LAMA3: variants seen among roughly 807,000 people sequenced by gnomAD.
LAMA3 encodes the protein laminin subunit alpha 3.
Under a neutral mutation model 402.0 loss-of-function variants are expected in LAMA3, and 281 were observed. That is an observed-to-expected ratio of 0.70 (90% CI 0.63 to 0.77). The LOEUF (loss-of-function observed/expected upper bound fraction) is 0.77. Among genes scored for constraint, LAMA3 ranks in the 30% least tolerant of loss-of-function variants. LAMA3 has a pLI of 0.00. For missense variants in LAMA3, 3,840 were observed against 4,215.5 expected (o/e 0.91, Z 2.47); for synonymous variants, 1,431 against 1,558.4 (o/e 0.92, Z 1.93).
intron 2 of LAMA3, among the ~76,000 whole-genome samples, chr18:23,737,594 A>C (rs1299042020): frequency 6.6e-6 from 1 of 152,206 alleles, no homozygotes; most frequent in Non-Finnish European, 1.5e-5. Context: ...CCTTCTCATC[A>C]CAGTGAAAGT....
At position 23,904,120 on chromosome 18, in the gene LAMA3, C is replaced by T. The variant is rs779221525; in HGVS notation, c.6473+33C>T. 21 of 1,611,370 alleles carry T rather than the reference C, an allele frequency of 1.3e-5. 1 individual carries two copies. The highest frequency in any genetic ancestry group is 9.9e-5 in the South Asian group (9 of 91,002). On this transcript the variant is annotated intron_variant, in intron 50 of 74. Coordinates refer to ENST00000313654, the MANE Select transcript of LAMA3 (RefSeq NM_198129.4). ...CATGGCCCAGGAGACCAGAAGGGCA[C>T]GTGGGCTGAGCTCAGCAGCTTGTCC...
Position 23,898,782 on chromosome 18 carries a change from A to G in LAMA3, c.5658A>G (p.Ser1886=), listed in dbSNP as rs780825151. The part of the protein sequence containing the change: ...NYRSAISNHG[S]KIEGLERELT... ...GTTCTGCCATTTCAAATCATGGATC[A>G]AAAATAGAAGGCCTGGAAAGAGAAC... is the stretch of plus-strand genomic sequence containing the variant. The change falls in exon 45 of 75, where the codon TCA becomes TCG. Residue 1886 remains serine (S), a synonymous_variant. Coordinates refer to ENST00000313654, the MANE Select transcript of LAMA3 (RefSeq NM_198129.4). 3.1e-6 allele frequency: 5 copies of G among 1,612,624 alleles called. No homozygotes were observed. The highest frequency in any genetic ancestry group is 1.7e-5 in the Admixed American group (1 of 60,010).
At chr18:23,840,377 C>CTT (rs201657216) in intron 27 of LAMA3, among the ~76,000 whole-genome samples, 1,737 of 79,364 alleles carry the variant, frequency 0.022, 156 homozygotes, top group African/African-American at 0.093. Flanking sequence ...AAGAACCTTT[C>CTT]TTTCTTTTTT....
chr18:23,933,947 A>G lies in LAMA3; in HGVS notation c.8862+12A>G, dbSNP rs374606220. On this transcript the variant is annotated intron_variant, in intron 67 of 74. Transcript: ENST00000313654. ...TTCGTATCAACCAGGTAAGTGTCCAAACCTAACCCTGGGTTTCCCTCTTCC... is the reference window on the plus strand; with the variant it reads ...TTCGTATCAACCAGGTAAGTGTCCAGACCTAACCCTGGGTTTCCCTCTTCC... 11 of 1,613,586 alleles carry G rather than the reference A, an allele frequency of 6.8e-6. No individual in the cohort carries two copies. Among genetic ancestry groups the G allele is most frequent in the African/African-American group, 4.0e-5 (3 of 74,912 alleles).
chr18:23,921,923 G>A (rs2081856130), intron 62 of LAMA3, among the ~76,000 whole-genome samples: 1 of 152,196 alleles, frequency 6.6e-6, no homozygotes, highest in African/African-American at 2.4e-5. Context: ...AGGAGAGCGT[G>A]GGCCTCCCAA....
intron 67 of LAMA3, among the ~76,000 whole-genome samples, chr18:23,934,460 A>G (rs916859820): frequency 2.4e-4 from 37 of 152,284 alleles, no homozygotes; most frequent in East Asian, 2.1e-3. Flanking sequence ...TCCCCAGGTG[A>G]TTCTGAAGTA....
chr18:23,741,111 G>A (rs773314661), intron 2 of LAMA3, among the ~76,000 whole-genome samples: 9 of 152,088 alleles, frequency 5.9e-5, no homozygotes, highest in East Asian at 1.9e-4. Context: ...CTGCCACCAC[G>A]CCTGGCTAAT....
intron 40 of LAMA3, among the ~76,000 whole-genome samples, chr18:23,884,047 GGTGTGTGTGTGTGTGTGTGTGTGTGT>G (rs60711151): frequency 3.1e-4 from 43 of 138,778 alleles, no homozygotes; most frequent in East Asian, 1.8e-3. Flanking sequence ...TGGTCTCTTT[GGTGTGTGTGTGTGTGTGTGTGTGTGT>G]GTGTGTGTGT....
intron 56 of LAMA3, 92 bp downstream of exon 56, chr18:23,912,973 A>G: frequency 8.6e-7 from 1 of 1,160,014 alleles, no homozygotes. Flanking sequence ...CATCACTGCC[A>G]TTAGCACAGC....
At chr18:23,928,022 C>A in intron 62 of LAMA3, 101 bp from the exon 63 acceptor site, 1 of 834,698 alleles carries the variant, frequency 1.2e-6, no homozygotes, top group Non-Finnish European at 2.1e-6. Flanking sequence ...AACACCTACT[C>A]ATTTATGGGT....
chr18:23,899,712 T>G, intron 47 of LAMA3: 1 of 394,006 alleles, frequency 2.5e-6, no homozygotes, highest in South Asian at 2.5e-5. Context: ...GGTTGCCTCT[T>G]TTTCCTTCTT....
At chr18:23,842,800 G>A (rs1314968988) in intron 29 of LAMA3, 50 bp downstream of exon 29, 2 of 1,610,056 alleles carry the variant, frequency 1.2e-6, no homozygotes, top group Non-Finnish European at 1.7e-6. Flanking sequence ...TGCCTGGCTG[G>A]CCATTCTGGG....
At chr18:23,701,256 T>C (rs905983733) in intron 1 of LAMA3, among the ~76,000 whole-genome samples, 1 of 152,170 alleles carries the variant, frequency 6.6e-6, no homozygotes, top group Admixed American at 6.5e-5. Flanking sequence ...ACCTGAGAAG[T>C]CTCTGAAACT....
In LAMA3 at chr18:23,918,462, G is replaced by A. The variant is rs1367019972; in HGVS notation, c.7923+1767G>A. Among the ~76,000 whole-genome samples, 1 of 152,170 alleles carries A rather than the reference G, an allele frequency of 6.6e-6. No individual in the cohort carries two copies. The highest frequency in any genetic ancestry group is 1.5e-5 in the Non-Finnish European group (1 of 68,032). On this transcript the variant is annotated intron_variant, in intron 60 of 74. Coordinates refer to ENST00000313654, the MANE Select transcript of LAMA3 (RefSeq NM_198129.4). This position sits in a 1 kb window ranked among gnomAD's most constrained non-coding sequence, Gnocchi z 4.1. The stretch of plus-strand genomic sequence containing the variant: ...CTTCCTGCTGTTTCTGTCTTGATCT[G>A]ATTCTTACCAGGCTGTGTGGGATTG...
intron 2 of LAMA3, among the ~76,000 whole-genome samples, chr18:23,727,790 C>T (rs1333090207): frequency 1.3e-5 from 2 of 152,126 alleles, no homozygotes; most frequent in Non-Finnish European, 2.9e-5. Context: ...AATGTAGTGG[C>T]GTGATCATAG....
At chr18:23,935,841 G>T (rs547397333) in intron 67 of LAMA3, among the ~76,000 whole-genome samples, 11 of 152,222 alleles carry the variant, frequency 7.2e-5, no homozygotes, top group Admixed American at 7.2e-4. Context: ...GGTGTGGCAG[G>T]AATTTTCCTA....
Position 23,795,902 on chromosome 18 carries a change from G to C in LAMA3, c.1603+11745G>C, listed in dbSNP as rs185423249. On this transcript the variant is annotated intron_variant, in intron 12 of 74. Coordinates refer to ENST00000313654, the MANE Select transcript of LAMA3 (RefSeq NM_198129.4). ...CCAGTGTGACTGTATTTGGAGTAAGGAAGTAATTAAGGTTTAATGAGGTCA... is the reference window on the plus strand; with the variant it reads ...CCAGTGTGACTGTATTTGGAGTAAGCAAGTAATTAAGGTTTAATGAGGTCA... The C allele has an allele frequency of 2.8e-5, 5 of 179,158 alleles. No individual in the cohort carries two copies. In the East Asian group the frequency reaches 6.5e-4, roughly 23 times the overall value. 11.1% of individuals were successfully genotyped at this position (179,158 alleles called of 1,614,324 possible). A position where few individuals can be genotyped will look rare whatever the true frequency, so the allele number is the denominator to read the frequency against.
In LAMA3 at chr18:23,810,375, G is replaced by T. The variant is rs773846525; in HGVS notation, c.1613G>T (p.Cys538Phe). The stretch of plus-strand genomic sequence containing the variant: ...GAATTCTTTCATCCAGCCTGCTGGT[G>T]TTCAGCCCTTGGATCCTACCAGATG... ...YSFPICQACW[C>F]SALGSYQMPC... Residue 538 changes from cysteine to phenylalanine, a missense_variant, in exon 13 of 75, where the codon TGT (cysteine) becomes TTT (phenylalanine). Transcript: ENST00000313654. 6.2e-7 allele frequency: 1 copy of T among 1,614,036 alleles called. No homozygotes were observed. The highest frequency in any genetic ancestry group is 1.7e-5 in the Admixed American group (1 of 60,004).
At chr18:23,880,275 A>G (rs75270154) in intron 39 of LAMA3, among the ~76,000 whole-genome samples, 1 of 152,222 alleles carries the variant, frequency 6.6e-6, no homozygotes, top group Non-Finnish European at 1.5e-5. Flanking sequence ...GAGCTTTCTG[A>G]TGATAAGCAA....
Sources: gnomAD v4.1 joint callset for allele counts (sites outside exome capture counted in the v4.1 genomes callset) on GRCh38, gnomAD v4.1.1 for gene constraint, Gnocchi (gnomAD v3.1) non-coding constraint, MANE v1.5 for transcripts, NCBI Gene and HGNC (gene_info 2026-07-23, HGNC 2026-07-21) for gene names.